The following ZDHHC20 variants were observed in gnomAD, a reference collection of about 807,000 sequenced individuals.
ZDHHC20 encodes the protein palmitoyltransferase ZDHHC20.
ZDHHC20 carries 43 observed loss-of-function variants against 57.8 expected under a neutral mutation model. The observed-to-expected ratio is 0.74, with a 90% confidence interval of 0.58 to 0.96. The LOEUF (loss-of-function observed/expected upper bound fraction) is 0.96, where lower values mean the gene tolerates loss of function less well. Ranked by LOEUF, ZDHHC20 falls within the 40% of genes least tolerant of loss-of-function variation. The pLI is 0.00. For missense variants in ZDHHC20, 391 were observed against 441.1 expected, an observed-to-expected ratio of 0.89 and a Z score of 1.02; for synonymous variants, 157 against 153.0, an observed-to-expected ratio of 1.03 and a Z score of -0.19.
intron 1 of ZDHHC20, among the ~76,000 whole-genome samples, chr13:21,457,300 C>T (rs947133679): frequency 1.3e-5 from 2 of 152,050 alleles, no homozygotes; most frequent in Non-Finnish European, 2.9e-5. Context: ...AAAACCACTA[C>T]GGGAATTAAA....
At chr13:21,394,915 T>C (rs1195545212) in intron 7 of ZDHHC20, among the ~76,000 whole-genome samples, 1 of 152,158 alleles carries the variant, frequency 6.6e-6, no homozygotes, top group African/African-American at 2.4e-5. Flanking sequence ...ACTTTAAACA[T>C]CTAATGATGT....
chr13:21,397,896 AG>A (rs1317653145), intron 7 of ZDHHC20, among the ~76,000 whole-genome samples: 1 of 152,210 alleles, frequency 6.6e-6, no homozygotes, highest in Non-Finnish European at 1.5e-5. Flanking sequence ...ACAGGAAATT[AG>A]GAGATGGAGG....
Position 21,374,535 on chromosome 13 carries a change from A to G in ZDHHC20, c.*2161T>C, listed in dbSNP as rs1431199730. On this transcript the variant is annotated 3_prime_UTR_variant, in exon 13 of 13. Coordinates refer to ENST00000400590, the MANE Select transcript of ZDHHC20 (RefSeq NM_001330059.2). ...CAGGCATGAGCCACCACACCCAGCA[A>G]TAATTGGTATCTCTTAAATCTCATT... The G allele has an allele frequency of 2.7e-5, 11 of 409,452 alleles. No homozygotes were observed. Among genetic ancestry groups the G allele is most frequent in the South Asian group, 1.9e-4 (11 of 57,626 alleles). 25.4% of individuals were successfully genotyped at this position (409,452 alleles called of 1,614,324 possible). A position where few individuals can be genotyped will look rare whatever the true frequency, so the allele number is the denominator to read the frequency against.
chr13:21,454,012 A>AATTTTTTGT, intron 1 of ZDHHC20, among the ~76,000 whole-genome samples: 1 of 151,874 alleles, frequency 6.6e-6, no homozygotes, highest in Non-Finnish European at 1.5e-5. Context: ...ATGCCCATCT[A>AATTTTTTGT]ATTTTTTGTA....
intron 1 of ZDHHC20, among the ~76,000 whole-genome samples, chr13:21,456,265 C>G (rs1328978928): frequency 6.6e-6 from 1 of 152,046 alleles, no homozygotes; most frequent in African/African-American, 2.4e-5. Flanking sequence ...AAAAAATTAG[C>G]TGGGCATGGT....
chr13:21,428,370 G>A (rs931685264), intron 1 of ZDHHC20, among the ~76,000 whole-genome samples: 1 of 151,550 alleles, frequency 6.6e-6, no homozygotes, highest in African/African-American at 2.4e-5. Context: ...ACAGGTGCAC[G>A]CCACCATGCC....
chr13:21,373,211 C>CT lies in ZDHHC20; in HGVS notation c.*3484dup. ...TCCCTAGAACAAAAGGTAAGCAAAA[C>CT]TTATTTGTAAGTTACTGCCTATTCA... On this transcript the variant is annotated 3_prime_UTR_variant, in exon 13 of 13. Coordinates refer to ENST00000400590, the MANE Select transcript of ZDHHC20 (RefSeq NM_001330059.2). 6.6e-6 allele frequency: 1 copy of CT among 152,250 alleles called. No homozygotes were observed. The highest frequency in any genetic ancestry group is 2.1e-4 in the South Asian group (1 of 4,820). The allele number at this position is 152,250 out of a possible 1,614,324, so 9.4% of individuals were successfully genotyped here.
At chr13:21,445,041 A>G (rs1883541361) in intron 1 of ZDHHC20, among the ~76,000 whole-genome samples, 1 of 152,110 alleles carries the variant, frequency 6.6e-6, no homozygotes, top group Non-Finnish European at 1.5e-5. Flanking sequence ...TGGGCAACAC[A>G]GTGAGACCCT....
At chr13:21,431,727 A>G (rs1881980538) in intron 1 of ZDHHC20, among the ~76,000 whole-genome samples, 1 of 152,200 alleles carries the variant, frequency 6.6e-6, no homozygotes, top group African/African-American at 2.4e-5. Context: ...TTTTCTAATA[A>G]CTACAGCATC....
At position 21,413,587 on chromosome 13, in the gene ZDHHC20, T is replaced by C; in HGVS notation, c.370+65A>G. On this transcript the variant is annotated intron_variant, in intron 4 of 12. Transcript: ENST00000400590. ...ATTTAATAGTCAAACCATGCAAATA[T>C]ATCCTGGCAGGAATAAGCATACTTT... 4 of 1,454,464 alleles carry C rather than the reference T, an allele frequency of 2.8e-6. No individual in the cohort carries two copies. The South Asian group carries it at 4.2e-5, about 15-fold the overall frequency. The allele number at this position is 1,454,464 out of a possible 1,614,324, so 90.1% of individuals were successfully genotyped here.
intron 4 of ZDHHC20, among the ~76,000 whole-genome samples, chr13:21,405,662 G>A (rs1878335085): frequency 6.6e-6 from 1 of 152,046 alleles, no homozygotes; most frequent in African/African-American, 2.4e-5. Flanking sequence ...TTCCACTACT[G>A]GGAGCATATT....
chr13:21,384,129 A>G (rs1566063995), intron 9 of ZDHHC20, among the ~76,000 whole-genome samples: 1 of 151,638 alleles, frequency 6.6e-6, no homozygotes, highest in Admixed American at 6.6e-5. Context: ...AATTGAGATG[A>G]CAGAGGTGGG....
intron 1 of ZDHHC20, among the ~76,000 whole-genome samples, chr13:21,440,643 T>G (rs1233252632): frequency 1.3e-5 from 2 of 152,004 alleles, no homozygotes; most frequent in East Asian, 3.9e-4. Context: ...TGTGTGTGTG[T>G]GTGTGTATAT....
chr13:21,386,169 T>A (rs1437688088), intron 9 of ZDHHC20, among the ~76,000 whole-genome samples: 2 of 151,944 alleles, frequency 1.3e-5, no homozygotes, highest in Non-Finnish European at 1.5e-5. Context: ...AGCAATAGGA[T>A]CTATACAAAA....
intron 2 of ZDHHC20, among the ~76,000 whole-genome samples, chr13:21,424,808 T>C (rs1039411838): frequency 6.6e-6 from 1 of 152,186 alleles, no homozygotes. Flanking sequence ...TGAAATTCTT[T>C]GCTTTCTGTA....
At chr13:21,440,801 C>G (rs1883070640) in intron 1 of ZDHHC20, among the ~76,000 whole-genome samples, 1 of 151,810 alleles carries the variant, frequency 6.6e-6, no homozygotes, top group Non-Finnish European at 1.5e-5. Flanking sequence ...TTACAATATT[C>G]TAAATTTCTT....
Position 21,380,057 on chromosome 13 carries a change from C to T in ZDHHC20, c.1061-1319G>A, listed in dbSNP as rs186058977. 3.8e-4 allele frequency among the ~76,000 whole-genome samples: 58 copies of T among 151,926 alleles called. No individual in the cohort carries two copies. The East Asian group carries it at 7.8e-3, about 20-fold the overall frequency. On this transcript the variant is annotated intron_variant, in intron 11 of 12. Transcript: ENST00000400590. ...GTCTCGATCTCGTGACCTCGTGATC[C>T]GCCTGCCTCGGCCTCCCAAAGTGCT...
At chr13:21,397,668 A>G (rs1465935768) in intron 7 of ZDHHC20, among the ~76,000 whole-genome samples, 1 of 152,192 alleles carries the variant, frequency 6.6e-6, no homozygotes, top group African/African-American at 2.4e-5. Context: ...CTCAAAAAAC[A>G]AAACAACAAC....
At chr13:21,416,058 A>T (rs1397146856) in intron 3 of ZDHHC20, among the ~76,000 whole-genome samples, 2 of 151,926 alleles carry the variant, frequency 1.3e-5, no homozygotes, top group Non-Finnish European at 2.9e-5. Context: ...TACAAAAATT[A>T]GCTGGGTGTG....
Sources: allele counts gnomAD v4.1 joint callset (sites outside exome capture counted in the v4.1 genomes callset), GRCh38; gene constraint gnomAD v4.1.1; transcripts MANE v1.5; gene names NCBI Gene and HGNC (gene_info 2026-07-23, HGNC 2026-07-21).